Variants in SLCO1B1 observed in about 807,000 individuals in gnomAD.
SLCO1B1 encodes the protein OATP-2.
A neutral mutation model predicts 70.1 loss-of-function variants in SLCO1B1; 81 were observed. The ratio of observed to expected loss-of-function variants is 1.16; its 90% CI spans 0.97 to 1.39. SLCO1B1 has a LOEUF of 1.39. SLCO1B1 is among the 40% of genes most tolerant of loss of function. SLCO1B1 has a pLI of 0.00. For missense variants in SLCO1B1, 895 were observed against 799.6 expected (o/e 1.12, Z -1.44); for synonymous variants, 283 against 271.5 (o/e 1.04, Z -0.42).
chr12:21,152,036 T>C (rs1452388057), intron 2 of SLCO1B1, among the ~76,000 whole-genome samples: 1 of 152,116 alleles, frequency 6.6e-6, no homozygotes, highest in African/African-American at 2.4e-5. Context: ...CCTTTTTTAG[T>C]TGGCCCACAG....
intron 1 of SLCO1B1, among the ~76,000 whole-genome samples, chr12:21,136,653 G>A (rs1940226654): frequency 6.6e-6 from 1 of 152,054 alleles, no homozygotes; most frequent in Admixed American, 6.6e-5. Flanking sequence ...TTTGTCATGT[G>A]GCTCTCTTGC....
rs150526713 is a variant in SLCO1B1 at position 21,180,889 on chromosome 12, A to T, written c.727+1869A>T. On this transcript the variant is annotated intron_variant, in intron 7 of 14. Coordinates refer to ENST00000256958, the MANE Select transcript of SLCO1B1 (RefSeq NM_006446.5). Reference sequence around the variant, plus strand: ...TTACATTATTTGAGAATTCATCACCATACAATTTCTAACATTGAATGTTCA... The same window carrying T: ...TTACATTATTTGAGAATTCATCACCTTACAATTTCTAACATTGAATGTTCA... Among the ~76,000 whole-genome samples, 56 of 152,302 alleles carry T rather than the reference A, an allele frequency of 3.7e-4. 1 individual carries two copies. Among genetic ancestry groups the T allele is most frequent in the African/African-American group, 1.3e-3 (54 of 41,554 alleles).
At chr12:21,207,716 G>A (rs933834539) in intron 11 of SLCO1B1, among the ~76,000 whole-genome samples, 4 of 151,798 alleles carry the variant, frequency 2.6e-5, no homozygotes, top group Non-Finnish European at 5.9e-5. Context: ...GGGAAATCTC[G>A]AAACTACTTT....
intron 12 of SLCO1B1, among the ~76,000 whole-genome samples, chr12:21,217,621 C>T (rs891686732): frequency 6.6e-6 from 1 of 152,060 alleles, no homozygotes; most frequent in African/African-American, 2.4e-5. Flanking sequence ...TTTTGAGTTG[C>T]CTTACATCCT....
At chr12:21,220,827 A>AG (rs999394737) in intron 12 of SLCO1B1, among the ~76,000 whole-genome samples, 1 of 100,192 alleles carries the variant, frequency 1.0e-5, no homozygotes, top group African/African-American at 3.5e-5. Context: ...AAAAAAAAAA[A>AG]AAAGAAAAGA....
At chr12:21,194,648 G>A (rs1028022464) in intron 7 of SLCO1B1, among the ~76,000 whole-genome samples, 1 of 152,104 alleles carries the variant, frequency 6.6e-6, no homozygotes, top group African/African-American at 2.4e-5. Context: ...GCTCTTGTAA[G>A]CTCTGCTCAT....
chr12:21,214,949 C>A (rs1941340377), intron 11 of SLCO1B1, among the ~76,000 whole-genome samples: 1 of 152,016 alleles, frequency 6.6e-6, no homozygotes, highest in South Asian at 2.1e-4. Flanking sequence ...ACCCACTGAC[C>A]TGCGCCCACT....
chr12:21,200,384 C>T, intron 8 of SLCO1B1, 124 bp from the exon 9 acceptor site: 1 of 548,554 alleles, frequency 1.8e-6, no homozygotes, highest in Non-Finnish European at 3.1e-6. Flanking sequence ...GCAGGCTATT[C>T]TCACTCTTTG....
At chr12:21,162,472 A>G (rs566189664) in intron 2 of SLCO1B1, among the ~76,000 whole-genome samples, 2 of 152,248 alleles carry the variant, frequency 1.3e-5, no homozygotes, top group South Asian at 4.1e-4. Context: ...TGTATAAGAG[A>G]TACAAAACAA....
intron 14 of SLCO1B1, among the ~76,000 whole-genome samples, chr12:21,232,334 C>T (rs1941546789): frequency 6.6e-6 from 1 of 152,178 alleles, no homozygotes; most frequent in African/African-American, 2.4e-5. Flanking sequence ...TTAGAGCTAA[C>T]TATGACATTA....
At chr12:21,185,263 A>C (rs2100996) in intron 7 of SLCO1B1, among the ~76,000 whole-genome samples, 1 of 151,868 alleles carries the variant, frequency 6.6e-6, no homozygotes, top group Non-Finnish European at 1.5e-5. Context: ...AACTGGATCC[A>C]AAAACATCCT....
At chr12:21,139,361 C>A (rs968007760) in intron 1 of SLCO1B1, among the ~76,000 whole-genome samples, 1 of 152,044 alleles carries the variant, frequency 6.6e-6, no homozygotes, top group Non-Finnish European at 1.5e-5. Context: ...TATCTAGGTA[C>A]AGGCATGCAT....
At chr12:21,211,415 T>C (rs1941283011) in intron 11 of SLCO1B1, among the ~76,000 whole-genome samples, 1 of 152,262 alleles carries the variant, frequency 6.6e-6, no homozygotes, top group African/African-American at 2.4e-5. Flanking sequence ...TGAAGCCCAC[T>C]TGATCATGGT....
chr12:21,213,624 TG>T (rs1403632100), intron 11 of SLCO1B1, among the ~76,000 whole-genome samples: 2 of 136,174 alleles, frequency 1.5e-5, no homozygotes, highest in African/African-American at 5.5e-5. Flanking sequence ...CTTGCTAGAT[TG>T]GGGAAGTTCT....
At chr12:21,198,799 A>G (rs760184229) in intron 8 of SLCO1B1, among the ~76,000 whole-genome samples, 2 of 152,154 alleles carry the variant, frequency 1.3e-5, no homozygotes, top group Non-Finnish European at 2.9e-5. Flanking sequence ...TACTTAGTTT[A>G]ATGCCACTTA....
intron 7 of SLCO1B1, among the ~76,000 whole-genome samples, chr12:21,184,354 G>A (rs1940939674): frequency 1.3e-5 from 2 of 151,950 alleles, no homozygotes; most frequent in Non-Finnish European, 2.9e-5. Context: ...TTTTTTGGGG[G>A]GCAGCTAGAG....
chr12:21,152,531 GGC>G (rs1591800803), intron 2 of SLCO1B1, among the ~76,000 whole-genome samples: 1 of 8,426 alleles, frequency 1.2e-4, no homozygotes, highest in African/African-American at 1.7e-4. Flanking sequence ...GGAGAGGAGA[GGC>G]TTTTTTTTTT....
chr12:21,182,881 T>C (rs1388628511), intron 7 of SLCO1B1, among the ~76,000 whole-genome samples: 1 of 152,164 alleles, frequency 6.6e-6, no homozygotes, highest in African/African-American at 2.4e-5. Flanking sequence ...GAGACATGCC[T>C]CATTTCATAG....
chr12:21,207,166 G>C (rs1941224306), intron 11 of SLCO1B1, among the ~76,000 whole-genome samples: 1 of 151,890 alleles, frequency 6.6e-6, no homozygotes, highest in African/African-American at 2.4e-5. Context: ...AGGTAAAGGG[G>C]ATACAAATGA....
Sources: allele counts gnomAD v4.1 joint callset (sites outside exome capture counted in the v4.1 genomes callset), GRCh38; gene constraint gnomAD v4.1.1; transcripts MANE v1.5; gene names NCBI Gene and HGNC (gene_info 2026-07-23, HGNC 2026-07-21).